TCF20: variants seen among roughly 807,000 people sequenced by gnomAD.
TCF20 encodes transcription factor 20.
A neutral mutation model predicts 148.6 loss-of-function variants in TCF20; 3 were observed. The observed-to-expected ratio is 0.02, with a 90% CI of 0.01 to 0.05. TCF20 has a LOEUF of 0.05. Among genes scored for constraint, TCF20 ranks in the 10% least tolerant of loss-of-function variants. The pLI, the probability that TCF20 is intolerant of heterozygous loss-of-function variation, is 1.00. For synonymous variants in TCF20, 1,049 were observed against 909.5 expected, an observed-to-expected ratio of 1.15 and a Z score of -2.76; for missense variants, 2,350 against 2,429.3, an observed-to-expected ratio of 0.97 and a Z score of 0.69.
chr22:42,214,903 G>A lies in TCF20; in HGVS notation c.403C>T (p.His135Tyr). The change falls in exon 2 of 6, where the codon CAT becomes TAT. Residue 135 changes from histidine to tyrosine, a missense_variant. This residue lies in a region of TCF20 where 1,641 missense variants were observed against 1,662.6 expected (regional missense o/e 0.99). Coordinates refer to ENST00000677622, the MANE Select transcript of TCF20 (RefSeq NM_001378418.1). ...TGCTGTGCTTGAAACTGGCCCACAT[G>A]ACCCTCACTCCCATACTGATTGCCA... Reference protein sequence around the residue: ...SFGNQYGSEGHVGQFQAQHSG... With the variant: ...SFGNQYGSEGYVGQFQAQHSG... The A allele has an allele frequency of 1.2e-6, 2 of 1,614,158 alleles. No individual in the cohort carries two copies. Among genetic ancestry groups the A allele is most frequent in the Non-Finnish European group, 1.7e-6 (2 of 1,180,032 alleles).
chr22:42,192,677 C>A (rs1340395997), intron 2 of TCF20, among the ~76,000 whole-genome samples: 4 of 152,208 alleles, frequency 2.6e-5, no homozygotes, highest in Non-Finnish European at 5.9e-5. Context: ...AAGCCAGCCC[C>A]TGCCACCTCT....
chr22:42,244,375 A>C (rs780334602), intron 1 of TCF20, among the ~76,000 whole-genome samples: 1 of 152,254 alleles, frequency 6.6e-6, no homozygotes, highest in Non-Finnish European at 1.5e-5. Context: ...CAAAAGGTGG[A>C]AACAACCGAA....
Position 42,270,596 on chromosome 22 carries a change from C to T in TCF20, c.-294G>A, listed in dbSNP as rs1005184775. 2.7e-5 allele frequency among the ~76,000 whole-genome samples: 4 copies of T among 145,520 alleles called. No homozygotes were observed. Among genetic ancestry groups the T allele is most frequent in the Non-Finnish European group, 4.6e-5 (3 of 65,608 alleles). On this transcript the variant is annotated 5_prime_UTR_variant, in exon 1 of 6. Coordinates refer to ENST00000677622, the MANE Select transcript of TCF20 (RefSeq NM_001378418.1). ...GAGGCCGCGGCCGCCTCGCAGGGGC[C>T]GAAAGCGGCTGGGCTCGGGGTTTTT...
chr22:42,164,799 G>T (rs192659789), intron 5 of TCF20, among the ~76,000 whole-genome samples: 3 of 152,334 alleles, frequency 2.0e-5, no homozygotes, highest in Admixed American at 2.0e-4. Context: ...CCAGGAGATG[G>T]GAGCCTGTTT....
intron 3 of TCF20, among the ~76,000 whole-genome samples, chr22:42,178,448 AG>A (rs58197149): frequency 0.084 from 12,794 of 152,222 alleles, 587 homozygotes; most frequent in Middle Eastern, 0.12. Context: ...ATCAGAACCA[AG>A]CTAAACTATA....
chr22:42,180,494 T>A (rs1193814333), intron 2 of TCF20, among the ~76,000 whole-genome samples: 1 of 152,168 alleles, frequency 6.6e-6, no homozygotes, highest in Non-Finnish European at 1.5e-5. Flanking sequence ...ACAAACACAT[T>A]CATAAAACTC....
intron 3 of TCF20, among the ~76,000 whole-genome samples, chr22:42,178,279 T>G (rs1936562229): frequency 6.6e-6 from 1 of 152,196 alleles, no homozygotes; most frequent in African/African-American, 2.4e-5. Context: ...TGTTAAACAT[T>G]AATCAAACCC....
At chr22:42,235,075 G>A (rs1923759392) in intron 1 of TCF20, among the ~76,000 whole-genome samples, 1 of 148,824 alleles carries the variant, frequency 6.7e-6, no homozygotes. Context: ...CCAGGAGACA[G>A]AAGTTGCAGT....
In TCF20 at chr22:42,212,725, A is replaced by C; in HGVS notation, c.2581T>G (p.Ser861Ala). 1 of 1,614,210 alleles carries C rather than the reference A, an allele frequency of 6.2e-7. No individual in the cohort carries two copies. The highest frequency in any genetic ancestry group is 1.3e-5 in the African/African-American group (1 of 75,056). Residue 861 changes from serine (S) to alanine (A), a missense_variant, in exon 2 of 6, where the codon TCT becomes GCT. By Grantham distance (99) the Ser-to-Ala change is moderately conservative. Transcript: ENST00000677622. ...SSAHEPGGSL[S>A]ERRSVICDIS... The stretch of plus-strand genomic sequence containing the variant: ...TCACAGATCACTGATCTTCTTTCAG[A>C]GAGGGAACCCCCAGGCTCATGTGCT...
intron 1 of TCF20, among the ~76,000 whole-genome samples, chr22:42,267,751 T>C (rs1004065465): frequency 3.3e-5 from 5 of 152,002 alleles, no homozygotes; most frequent in African/African-American, 1.2e-4. Context: ...GATGGTAACA[T>C]ACAAGAAAAT....
chr22:42,222,835 T>C (rs1922501405), intron 1 of TCF20, among the ~76,000 whole-genome samples: 1 of 152,172 alleles, frequency 6.6e-6, no homozygotes, highest in Admixed American at 6.5e-5. Flanking sequence ...TTAACCAGTA[T>C]CTAAGGTATG....
chr22:42,240,383 T>C (rs1176493739), intron 1 of TCF20, among the ~76,000 whole-genome samples: 1 of 152,200 alleles, frequency 6.6e-6, no homozygotes, highest in African/African-American at 2.4e-5. Flanking sequence ...TACAGTATAA[T>C]AGTATCACTC....
chr22:42,173,731 C>G (rs1279369911), intron 3 of TCF20, among the ~76,000 whole-genome samples: 1 of 152,092 alleles, frequency 6.6e-6, no homozygotes, highest in Non-Finnish European at 1.5e-5. Flanking sequence ...GTCACTGTGA[C>G]TTGGGTCATC....
chr22:42,225,093 T>C (rs868711417), intron 1 of TCF20, among the ~76,000 whole-genome samples: 1 of 151,206 alleles, frequency 6.6e-6, no homozygotes, highest in African/African-American at 2.4e-5. Flanking sequence ...CCTCCCAGGT[T>C]CAAGCAATTC....
chr22:42,264,495 G>GAT (rs1569193284), intron 1 of TCF20, among the ~76,000 whole-genome samples: 1 of 152,118 alleles, frequency 6.6e-6, no homozygotes, highest in African/African-American at 2.4e-5. Flanking sequence ...AAACCAAAAA[G>GAT]ATATAAACAG....
intron 2 of TCF20, among the ~76,000 whole-genome samples, chr22:42,184,649 A>ACTG (rs1947642945): frequency 6.6e-6 from 1 of 152,194 alleles, no homozygotes; most frequent in African/African-American, 2.4e-5. Flanking sequence ...TCCATACAAT[A>ACTG]CTGCTCCCCA....
At chr22:42,323,194 G>A (rs866649734) in intron 1 of TCF20, among the ~76,000 whole-genome samples, 1 of 151,718 alleles carries the variant, frequency 6.6e-6, no homozygotes, top group South Asian at 2.1e-4. Flanking sequence ...GAGCCACCAC[G>A]CCCAGCCCAC....
intron 1 of TCF20, among the ~76,000 whole-genome samples, chr22:42,248,318 T>C (rs1450490829): frequency 1.3e-5 from 2 of 152,250 alleles, no homozygotes; most frequent in African/African-American, 4.8e-5. Context: ...TAGAGTTGCA[T>C]GCCAGCCCTG....
At chr22:42,164,969 C>A (rs1935693282) in intron 5 of TCF20, among the ~76,000 whole-genome samples, 1 of 152,124 alleles carries the variant, frequency 6.6e-6, no homozygotes, top group Admixed American at 6.5e-5. Context: ...GGTGAGATGT[C>A]TGGGCTTTGT....
Sources: allele counts gnomAD v4.1 joint callset (sites outside exome capture counted in the v4.1 genomes callset), GRCh38; gene constraint gnomAD v4.1.1; regional missense constraint gnomAD v4.1.1; transcripts MANE v1.5; gene names NCBI Gene and HGNC (gene_info 2026-07-23, HGNC 2026-07-21).